Variants in FHIT observed in about 807,000 individuals in gnomAD.
The protein encoded by FHIT is fragile histidine triad diadenosine triphosphatase.
FHIT carries 19 observed loss-of-function variants against 17.9 expected under a neutral mutation model. The observed-to-expected ratio is 1.06, with a 90% CI of 0.74 to 1.56. The LOEUF (loss-of-function observed/expected upper bound fraction) is 1.56, where lower values mean the gene tolerates loss of function less well. FHIT is among the 40% of genes most tolerant of loss of function. FHIT has a pLI of 0.00. For missense variants in FHIT, 248 were observed against 189.2 expected (o/e 1.31, Z -1.82); for synonymous variants, 81 against 69.7 (o/e 1.16, Z -0.81).
intron 7 of FHIT, among the ~76,000 whole-genome samples, chr3:59,999,082 A>G (rs896653727): frequency 2.6e-5 from 4 of 152,120 alleles, no homozygotes; most frequent in Admixed American, 2.0e-4. Flanking sequence ...ACAACAATCA[A>G]TAATAATCCA....
At chr3:60,538,442 C>T (rs145768848) in intron 4 of FHIT, among the ~76,000 whole-genome samples, 11 of 152,238 alleles carry the variant, frequency 7.2e-5, no homozygotes, top group African/African-American at 2.4e-4. Context: ...AAAAACTACT[C>T]TAAAGTTCAT....
At chr3:60,455,974 G>A (rs1199054336) in intron 5 of FHIT, among the ~76,000 whole-genome samples, 1 of 152,146 alleles carries the variant, frequency 6.6e-6, no homozygotes, top group Non-Finnish European at 1.5e-5. Context: ...TCTAGCAAGT[G>A]GTTGGACTCA....
chr3:60,007,504 T>G (rs1168809191), intron 7 of FHIT, among the ~76,000 whole-genome samples: 1 of 152,182 alleles, frequency 6.6e-6, no homozygotes, highest in Non-Finnish European at 1.5e-5. Flanking sequence ...CATCATTCTC[T>G]TCCCCACACA....
At chr3:59,923,257 G>T (rs912947550) in intron 7 of FHIT, among the ~76,000 whole-genome samples, 21 of 143,344 alleles carry the variant, frequency 1.5e-4, no homozygotes, top group African/African-American at 5.6e-4. Flanking sequence ...AAAAAATCCC[G>T]TGAGGCAAGG....
chr3:60,482,846 A>C (rs2033671828), intron 5 of FHIT, among the ~76,000 whole-genome samples: 1 of 152,088 alleles, frequency 6.6e-6, no homozygotes, highest in Non-Finnish European at 1.5e-5. Flanking sequence ...ACTGAAGGAG[A>C]TAGAGACACA....
chr3:60,855,991 C>T (rs1305209453), intron 3 of FHIT, among the ~76,000 whole-genome samples: 1 of 152,066 alleles, frequency 6.6e-6, no homozygotes, highest in Non-Finnish European at 1.5e-5. Flanking sequence ...GGAGAAGATG[C>T]ATCACCTCTG....
At chr3:59,946,077 T>C (rs952732110) in intron 7 of FHIT, among the ~76,000 whole-genome samples, 1 of 152,222 alleles carries the variant, frequency 6.6e-6, no homozygotes, top group South Asian at 2.1e-4. Flanking sequence ...ACGTTGGTAG[T>C]TTGATAGGAA....
At chr3:60,782,918 C>A in intron 4 of FHIT, among the ~76,000 whole-genome samples, 1 of 152,142 alleles carries the variant, frequency 6.6e-6, no homozygotes, top group East Asian at 1.9e-4. Flanking sequence ...CCATTCATGA[C>A]GGCTCTGTCC....
intron 5 of FHIT, among the ~76,000 whole-genome samples, chr3:60,333,604 C>G (rs548281090): frequency 3.3e-5 from 5 of 151,956 alleles, no homozygotes; most frequent in Non-Finnish European, 7.4e-5. Flanking sequence ...TATTGCATGT[C>G]ATATATATAC....
At chr3:60,877,344 G>A (rs949551715) in intron 3 of FHIT, among the ~76,000 whole-genome samples, 1 of 152,192 alleles carries the variant, frequency 6.6e-6, no homozygotes, top group Non-Finnish European at 1.5e-5. Flanking sequence ...GAGCCAAACA[G>A]TGAAAACTGC....
At chr3:60,203,629 C>T (rs1559724601) in intron 5 of FHIT, among the ~76,000 whole-genome samples, 1 of 152,174 alleles carries the variant, frequency 6.6e-6, no homozygotes, top group Non-Finnish European at 1.5e-5. Context: ...CCTGGTCAAC[C>T]TATGTCAGCC....
intron 4 of FHIT, among the ~76,000 whole-genome samples, chr3:60,699,349 A>C (rs2041185474): frequency 6.6e-6 from 1 of 152,208 alleles, no homozygotes; most frequent in Admixed American, 6.5e-5. Context: ...AAAGTTTACT[A>C]AGCAAGGTAG....
intron 7 of FHIT, among the ~76,000 whole-genome samples, chr3:59,964,569 T>C (rs374225568): frequency 1.3e-5 from 2 of 152,154 alleles, no homozygotes; most frequent in East Asian, 1.9e-4. Flanking sequence ...AAAAGTCTTA[T>C]GATTATGTGG....
Position 60,536,964 on chromosome 3 carries a change from T to C in FHIT, c.-2A>G, listed in dbSNP as rs748313963. 3 of 1,605,618 alleles carry C rather than the reference T, an allele frequency of 1.9e-6. No individual in the cohort carries two copies. Among genetic ancestry groups the C allele is most frequent in the South Asian group, 1.1e-5 (1 of 88,764 alleles). ...ATGTTGGCCAAATCTGAACGACATG[T>C]CCTCACAGTTGAAGTCTAAAAGAAA... On this transcript the variant is annotated 5_prime_UTR_variant, in exon 5 of 10. Coordinates refer to ENST00000492590, the MANE Select transcript of FHIT (RefSeq NM_002012.4).
intron 5 of FHIT, among the ~76,000 whole-genome samples, chr3:60,249,091 C>T (rs1026212899): frequency 6.6e-6 from 1 of 152,034 alleles, no homozygotes; most frequent in Admixed American, 6.6e-5. Flanking sequence ...CATAAAACTT[C>T]TATTAAGTAT....
chr3:60,714,335 T>G (rs1354933769), intron 4 of FHIT, among the ~76,000 whole-genome samples: 3 of 151,998 alleles, frequency 2.0e-5, no homozygotes, highest in African/African-American at 4.8e-5. Flanking sequence ...TCATACTGAA[T>G]GGGCAAAAAC....
chr3:60,120,365 A>G (rs915169657), intron 5 of FHIT, among the ~76,000 whole-genome samples: 5 of 152,238 alleles, frequency 3.3e-5, no homozygotes, highest in African/African-American at 1.2e-4. Flanking sequence ...GCAGGGTTAA[A>G]GATATTATAA....
At chr3:60,044,964 C>G (rs1182372050) in intron 5 of FHIT, among the ~76,000 whole-genome samples, 1 of 152,098 alleles carries the variant, frequency 6.6e-6, no homozygotes, top group African/African-American at 2.4e-5. Context: ...AAAATAAACA[C>G]TGATCAATTG....
At chr3:61,192,167 A>G (rs893229646) in intron 2 of FHIT, among the ~76,000 whole-genome samples, 1 of 152,210 alleles carries the variant, frequency 6.6e-6, no homozygotes, top group African/African-American at 2.4e-5. Flanking sequence ...CAGGAAAAAG[A>G]GCAAGAAATA....
Sources: allele counts gnomAD v4.1 joint callset (sites outside exome capture counted in the v4.1 genomes callset), GRCh38; gene constraint gnomAD v4.1.1; transcripts MANE v1.5; gene names NCBI Gene and HGNC (gene_info 2026-07-23, HGNC 2026-07-21).